Variants in ATP6V0A1 observed in about 807,000 individuals in gnomAD.
ATP6V0A1 encodes the protein ATPase H+ transporting V0 subunit a1, also known as V-type proton ATPase 116 kDa subunit a 1.
Under a neutral mutation model 105.4 loss-of-function variants are expected in ATP6V0A1, and 43 were observed. The observed-to-expected ratio is 0.41, with a 90% CI of 0.32 to 0.53. ATP6V0A1 has a LOEUF of 0.53. Ranked by LOEUF, ATP6V0A1 falls within the 20% of genes least tolerant of loss-of-function variation. The pLI, the probability that ATP6V0A1 is intolerant of heterozygous loss-of-function variation, is 0.30. For synonymous variants in ATP6V0A1, 362 were observed against 372.8 expected (o/e 0.97, Z 0.33); for missense variants, 676 against 1,051.1 (o/e 0.64, Z 4.93).
At position 42,514,931 on chromosome 17, in the gene ATP6V0A1, C is replaced by T. The variant is rs545601178; in HGVS notation, c.2420+471C>T. Among the ~76,000 whole-genome samples, 7 of 152,192 alleles carry T rather than the reference C, an allele frequency of 4.6e-5. No homozygotes were observed. The East Asian group carries it at 1.4e-3, about 29-fold the overall frequency. On this transcript the variant is annotated intron_variant, in intron 21 of 21. Transcript: ENST00000343619. ...TGTGCCAGGGGTCTTTGAGTTGGAC[C>T]CCTGGCAGCTCCATTGTGGACCGGA...
At chr17:42,463,855 G>T (rs1396256600) in intron 2 of ATP6V0A1, among the ~76,000 whole-genome samples, 1 of 152,122 alleles carries the variant, frequency 6.6e-6, no homozygotes, top group African/African-American at 2.4e-5. Context: ...TATATGTATT[G>T]TACACTGTAT....
At position 42,487,161 on chromosome 17, in the gene ATP6V0A1, A is replaced by T; in HGVS notation, c.817A>T (p.Asn273Tyr). ...TRIDDLQMVLNQTEDHRQRVL... is the reference protein window; with the variant it reads ...TRIDDLQMVLYQTEDHRQRVL... ...GTTCCTTTTCTCCCCAAAGGTTCTG[A>T]ATCAAACGGAGGATCACCGCCAGAG... Residue 273 changes from asparagine to tyrosine, a missense_variant, in exon 10 of 22, where the codon AAT becomes TAT. By Grantham distance (143) the Asn-to-Tyr change is moderately radical. Transcript: ENST00000343619. 6.2e-7 allele frequency: 1 copy of T among 1,614,174 alleles called. No homozygotes were observed. Among genetic ancestry groups the T allele is most frequent in the Non-Finnish European group, 8.5e-7 (1 of 1,180,012 alleles).
chr17:42,494,216 A>G (rs1257436795), intron 11 of ATP6V0A1, 118 bp from the exon 12 acceptor site: 4 of 1,014,024 alleles, frequency 3.9e-6, no homozygotes, highest in Non-Finnish European at 5.6e-6. Context: ...GCTGGCTGAC[A>G]GAGCAAGACT....
chr17:42,506,876 A>T (rs2092061278), intron 17 of ATP6V0A1, among the ~76,000 whole-genome samples: 1 of 152,204 alleles, frequency 6.6e-6, no homozygotes, highest in Non-Finnish European at 1.5e-5. Flanking sequence ...TTGTTCTAAC[A>T]TTCCAGAGCT....
intron 10 of ATP6V0A1, among the ~76,000 whole-genome samples, chr17:42,489,161 C>T (rs1053030732): frequency 3.8e-4 from 58 of 151,194 alleles, no homozygotes; most frequent in Non-Finnish European, 6.6e-4. Context: ...CAACCTCCAC[C>T]CTCCACCTCC....
chr17:42,490,729 C>A, intron 11 of ATP6V0A1, 92 bp downstream of exon 11: 1 of 1,399,862 alleles, frequency 7.1e-7, no homozygotes. Flanking sequence ...CCCTCTGTCA[C>A]CCAGGCTGGA....
chr17:42,488,124 C>T (rs1326315228), intron 10 of ATP6V0A1, among the ~76,000 whole-genome samples: 2 of 152,188 alleles, frequency 1.3e-5, no homozygotes, highest in Admixed American at 6.5e-5. Context: ...GAGTATCTTA[C>T]AGTTTATTAG....
At chr17:42,502,494 G>GCA (rs537253936) in intron 17 of ATP6V0A1, among the ~76,000 whole-genome samples, 5,948 of 151,746 alleles carry the variant, frequency 0.039, 400 homozygotes, top group African/African-American at 0.14. Flanking sequence ...AATTCTGCGC[G>GCA]CGCACACACA....
intron 16 of ATP6V0A1, 121 bp downstream of exon 16, chr17:42,501,044 C>A: frequency 8.2e-7 from 1 of 1,217,006 alleles, no homozygotes; most frequent in Non-Finnish European, 1.2e-6. Context: ...GGCTTTGCCA[C>A]AAAATGTGAT....
chr17:42,464,743 A>G (rs368619685), intron 2 of ATP6V0A1, among the ~76,000 whole-genome samples: 1 of 152,116 alleles, frequency 6.6e-6, no homozygotes, highest in Non-Finnish European at 1.5e-5. Flanking sequence ...CATATAATAT[A>G]TATACACACA....
chr17:42,474,296 C>A (rs2088421489), intron 5 of ATP6V0A1, among the ~76,000 whole-genome samples: 1 of 152,046 alleles, frequency 6.6e-6, no homozygotes, highest in Admixed American at 6.5e-5. Context: ...CCACCGCACC[C>A]AGCCTCCCCC....
At chr17:42,511,171 G>A (rs2092328552) in intron 19 of ATP6V0A1, 1 of 152,244 alleles carries the variant, frequency 6.6e-6, no homozygotes, top group Non-Finnish European at 1.5e-5. Context: ...GACCCTTGAA[G>A]CCCTGAGTAG....
At chr17:42,491,915 A>C (rs1056023970) in intron 11 of ATP6V0A1, among the ~76,000 whole-genome samples, 14 of 152,022 alleles carry the variant, frequency 9.2e-5, no homozygotes, top group African/African-American at 2.9e-4. Flanking sequence ...GGCGTGAGCC[A>C]CTGCGCCCAG....
Position 42,490,545 on chromosome 17 carries a change from C to A in ATP6V0A1, c.1082C>A (p.Pro361His). The A allele has an allele frequency of 1.9e-6, 3 of 1,613,802 alleles. No homozygotes were observed. The South Asian group carries it at 3.3e-5, about 18-fold the overall frequency. The change falls in exon 11 of 22, where the codon CCC becomes CAC. Residue 361 changes from proline to histidine, a missense_variant. Physicochemically the swap from Pro to His is moderately conservative, Grantham distance 77. This residue lies in a region of ATP6V0A1 where 435 missense variants were observed against 642.2 expected (regional missense o/e 0.68). Transcript: ENST00000343619. ...ILNRMQTNQTPPTYNKTNKFT... is the reference protein window; with the variant it reads ...ILNRMQTNQTHPTYNKTNKFT... ...AACAGGATGCAGACAAACCAGACTC[C>A]CCCAACCTATAACAAAACCAACAAG... is the stretch of plus-strand genomic sequence containing the variant.
intron 17 of ATP6V0A1, among the ~76,000 whole-genome samples, chr17:42,501,516 G>A (rs62075828): frequency 0.22 from 33,095 of 151,926 alleles, 4,071 homozygotes; most frequent in Non-Finnish European, 0.28. Flanking sequence ...CCAGGTTCAA[G>A]CAATTCTTTT....
rs2090947598 is a variant in ATP6V0A1 at position 42,494,273 on chromosome 17, A to G, written c.1175-61A>G. 3 of 1,481,298 alleles carry G rather than the reference A, an allele frequency of 2.0e-6. No individual in the cohort carries two copies. In the Admixed American group the frequency reaches 5.9e-5, roughly 29 times the overall value. 91.8% of individuals were successfully genotyped at this position (1,481,298 alleles called of 1,614,324 possible). A position where few individuals can be genotyped will look rare whatever the true frequency, so the allele number is the denominator to read the frequency against. ...GGGTGGGTATGGAAAAGAATGTAATATTTGTGGAATTGCTATGGTTTAATG... is the reference window on the plus strand; with the variant it reads ...GGGTGGGTATGGAAAAGAATGTAATGTTTGTGGAATTGCTATGGTTTAATG... On this transcript the variant is annotated intron_variant, in intron 11 of 21. Coordinates refer to ENST00000343619, the MANE Select transcript of ATP6V0A1 (RefSeq NM_001130021.3).
chr17:42,512,222 G>A, intron 19 of ATP6V0A1, among the ~76,000 whole-genome samples: 1 of 152,214 alleles, frequency 6.6e-6, no homozygotes, highest in South Asian at 2.1e-4. Context: ...GAGAACACCT[G>A]CAGGAAGCTG....
At chr17:42,508,521 G>A in intron 18 of ATP6V0A1, 51 bp from the exon 19 acceptor site, 1 of 1,611,704 alleles carries the variant, frequency 6.2e-7, no homozygotes, top group Non-Finnish European at 8.5e-7. Context: ...CCTAACTTGT[G>A]ACCTTGTGTG....
intron 5 of ATP6V0A1, among the ~76,000 whole-genome samples, chr17:42,475,164 C>A (rs1420666664): frequency 2.6e-5 from 4 of 152,168 alleles, no homozygotes; most frequent in Admixed American, 6.6e-5. Context: ...TCCTTTGGGG[C>A]CTAGGTGAAT....
Sources: gnomAD v4.1 joint callset for allele counts (sites outside exome capture counted in the v4.1 genomes callset) on GRCh38, gnomAD v4.1.1 for gene constraint, gnomAD v4.1.1 regional missense constraint, MANE v1.5 for transcripts, NCBI Gene and HGNC (gene_info 2026-07-23, HGNC 2026-07-21) for gene names.